Variants in DGKG observed in about 807,000 individuals in gnomAD.
DGKG encodes DAG kinase gamma.
Under a neutral mutation model 105.3 loss-of-function variants are expected in DGKG, and 78 were observed. The ratio of observed to expected loss-of-function variants is 0.74; its 90% confidence interval spans 0.62 to 0.89. The LOEUF (loss-of-function observed/expected upper bound fraction) is 0.89, where lower values mean the gene tolerates loss of function less well. Among genes scored for constraint, DGKG ranks in the 40% least tolerant of loss-of-function variants. The pLI, the probability that DGKG is intolerant of heterozygous loss-of-function variation, is 0.00. For synonymous variants in DGKG, 346 were observed against 367.1 expected (o/e 0.94, Z 0.66); for missense variants, 958 against 1,020.1 (o/e 0.94, Z 0.83).
intron 21 of DGKG, among the ~76,000 whole-genome samples, chr3:186,200,169 A>G (rs1361104174): frequency 6.6e-6 from 1 of 152,206 alleles, no homozygotes; most frequent in East Asian, 1.9e-4. Flanking sequence ...TGTTTAGCTC[A>G]GTGAAGATGA....
intron 13 of DGKG, among the ~76,000 whole-genome samples, chr3:186,266,034 T>C (rs1209830336): frequency 1.3e-5 from 2 of 151,732 alleles, no homozygotes; most frequent in African/African-American, 4.9e-5. Flanking sequence ...CTTGGTTTTG[T>C]TTGTTTTTCT....
chr3:186,190,893 C>T (rs993894870), intron 21 of DGKG, among the ~76,000 whole-genome samples: 13 of 152,184 alleles, frequency 8.5e-5, no homozygotes, highest in African/African-American at 1.2e-4. Context: ...AAACATTATG[C>T]GTTAACATCC....
chr3:186,223,942 C>G (rs1354552106), intron 20 of DGKG, among the ~76,000 whole-genome samples: 1 of 152,162 alleles, frequency 6.6e-6, no homozygotes, highest in Non-Finnish European at 1.5e-5. Context: ...CAGTTTGCCC[C>G]TCTCACTGTG....
Position 186,224,044 on chromosome 3 carries a change from G to A in DGKG, c.1827-12159C>T, listed in dbSNP as rs578243412. 4.1e-3 allele frequency among the ~76,000 whole-genome samples: 626 copies of A among 152,312 alleles called. 2 individuals carry two copies. Among genetic ancestry groups the A allele is most frequent in the Non-Finnish European group, 6.5e-3 (439 of 68,022 alleles). The stretch of plus-strand genomic sequence containing the variant: ...AGCTGCTTGGCACCACCTTAGCCAC[G>A]CCTCTTATTTGTAGCTTGCACCTGC... On this transcript the variant is annotated intron_variant, in intron 20 of 24. Transcript: ENST00000265022.
intron 1 of DGKG, among the ~76,000 whole-genome samples, chr3:186,350,941 T>A (rs1006668172): frequency 2.0e-5 from 3 of 152,144 alleles, no homozygotes; most frequent in Non-Finnish European, 4.4e-5. Context: ...TTGAATTGGG[T>A]TTTTTTGTTG....
At chr3:186,265,394 T>A in intron 13 of DGKG, 88 bp from the exon 14 acceptor site, 1 of 1,212,934 alleles carries the variant, frequency 8.2e-7, no homozygotes, top group Non-Finnish European at 1.2e-6. Flanking sequence ...ACGGCTGATA[T>A]AAAGAAAGAG....
At chr3:186,230,029 G>A (rs1200611822) in intron 20 of DGKG, among the ~76,000 whole-genome samples, 1 of 152,208 alleles carries the variant, frequency 6.6e-6, no homozygotes, top group African/African-American at 2.4e-5. Context: ...GGAGGCCGAG[G>A]CGGGCGGATC....
chr3:186,228,520 C>T (rs1719966335), intron 20 of DGKG, among the ~76,000 whole-genome samples: 1 of 152,172 alleles, frequency 6.6e-6, no homozygotes, highest in Admixed American at 6.5e-5. Flanking sequence ...CTCACCCACT[C>T]CTAGGATAAG....
intron 20 of DGKG, among the ~76,000 whole-genome samples, chr3:186,227,234 C>A (rs968011734): frequency 6.6e-6 from 1 of 152,186 alleles, no homozygotes; most frequent in African/African-American, 2.4e-5. Context: ...TGCATGTTCT[C>A]CTTACAAATC....
chr3:186,241,937 G>A (rs1246170077), intron 20 of DGKG, among the ~76,000 whole-genome samples: 1 of 152,192 alleles, frequency 6.6e-6, no homozygotes, highest in Admixed American at 6.5e-5. Flanking sequence ...AGAGTGCCCA[G>A]GCTGAGGCTG....
intron 20 of DGKG, among the ~76,000 whole-genome samples, chr3:186,213,522 AC>A (rs1333439934): frequency 6.6e-6 from 1 of 152,246 alleles, no homozygotes; most frequent in Non-Finnish European, 1.5e-5. Context: ...ATGAAGATGC[AC>A]ATTCTGATTC....
intron 22 of DGKG, among the ~76,000 whole-genome samples, chr3:186,182,767 A>G (rs1717420349): frequency 6.6e-6 from 1 of 151,784 alleles, no homozygotes; most frequent in South Asian, 2.1e-4. Flanking sequence ...TCTACTGCCC[A>G]CTGGCAAACT....
At chr3:186,342,196 G>T (rs983588408) in intron 1 of DGKG, among the ~76,000 whole-genome samples, 1 of 152,070 alleles carries the variant, frequency 6.6e-6, no homozygotes, top group Non-Finnish European at 1.5e-5. Context: ...TACATTAATG[G>T]GCTGAATAGT....
intron 2 of DGKG, among the ~76,000 whole-genome samples, chr3:186,319,462 G>A (rs962657985): frequency 2.0e-5 from 3 of 152,210 alleles, no homozygotes; most frequent in African/African-American, 7.2e-5. Flanking sequence ...GGGGACCTGT[G>A]CAAGAGCAAT....
At chr3:186,183,348 C>T (rs928068853) in intron 22 of DGKG, among the ~76,000 whole-genome samples, 1 of 152,096 alleles carries the variant, frequency 6.6e-6, no homozygotes, top group Non-Finnish European at 1.5e-5. Context: ...TCATGGGTTT[C>T]GGGTTAGGAT....
At chr3:186,188,908 G>A (rs769199614) in intron 21 of DGKG, among the ~76,000 whole-genome samples, 14 of 152,080 alleles carry the variant, frequency 9.2e-5, no homozygotes, top group African/African-American at 1.2e-4. Flanking sequence ...TCCACTTTCC[G>A]GTTTCAAGCG....
intron 20 of DGKG, among the ~76,000 whole-genome samples, chr3:186,217,723 C>T (rs1719364863): frequency 6.6e-6 from 1 of 152,234 alleles, no homozygotes; most frequent in African/African-American, 2.4e-5. Flanking sequence ...GCTGGCCATT[C>T]ACTTTACCAG....
At chr3:186,283,070 G>C (rs138871363) in intron 7 of DGKG, among the ~76,000 whole-genome samples, 1 of 151,494 alleles carries the variant, frequency 6.6e-6, no homozygotes, top group African/African-American at 2.4e-5. Context: ...CAACATGCCC[G>C]GCTAATTTTT....
At chr3:186,251,650 G>T in intron 19 of DGKG, 109 bp downstream of exon 19, 3 of 1,286,292 alleles carry the variant, frequency 2.3e-6, no homozygotes, top group Non-Finnish European at 2.2e-6. Context: ...AGGGCTGGGG[G>T]GGCAGGTAAG....
Sources: gnomAD v4.1 joint callset for allele counts (sites outside exome capture counted in the v4.1 genomes callset) on GRCh38, gnomAD v4.1.1 for gene constraint, MANE v1.5 for transcripts, NCBI Gene and HGNC (gene_info 2026-07-23, HGNC 2026-07-21) for gene names.